Variants in BAZ2B observed in about 807,000 individuals in gnomAD.
BAZ2B encodes bromodomain adjacent to zinc finger domain 2B.
BAZ2B carries 91 observed loss-of-function variants against 246.0 expected under a neutral mutation model. The ratio of observed to expected loss-of-function variants is 0.37; its 90% CI spans 0.31 to 0.44. The LOEUF is 0.44. BAZ2B is among the 20% of genes least tolerant of loss of function. The pLI is 1.00. For missense variants in BAZ2B, 2,332 were observed against 2,533.7 expected, an observed-to-expected ratio of 0.92 and a Z score of 1.71; for synonymous variants, 855 against 860.0, an observed-to-expected ratio of 0.99 and a Z score of 0.10.
At chr2:159,359,159 A>C (rs1027400988) in intron 27 of BAZ2B, among the ~76,000 whole-genome samples, 1 of 152,200 alleles carries the variant, frequency 6.6e-6, no homozygotes, top group Admixed American at 6.5e-5. Flanking sequence ...AAAATCAATG[A>C]ATCCAGGAGC....
At chr2:159,701,072 G>A in the BAZ2B span, among the ~76,000 whole-genome samples, 3 of 151,950 alleles carry the variant, frequency 2.0e-5, no homozygotes, top group South Asian at 2.1e-4. Context: ...ACAAAACTTC[G>A]TTTTACTATA....
chr2:159,548,710 G>T (rs996837258), intron 2 of BAZ2B, among the ~76,000 whole-genome samples: 1 of 152,146 alleles, frequency 6.6e-6, no homozygotes, highest in Non-Finnish European at 1.5e-5. Flanking sequence ...TAGGTGGAAG[G>T]ATTGCTTGAG....
intron 31 of BAZ2B, among the ~76,000 whole-genome samples, chr2:159,341,994 G>C (rs976310735): frequency 6.6e-6 from 1 of 152,052 alleles, no homozygotes; most frequent in African/African-American, 2.4e-5. Flanking sequence ...CCCCAAATTA[G>C]TAGAAGGAAA....
intron 31 of BAZ2B, among the ~76,000 whole-genome samples, chr2:159,344,027 CAAAAA>C (rs70994297): frequency 1.0e-5 from 1 of 96,910 alleles, no homozygotes; most frequent in Admixed American, 1.2e-4. Context: ...GACTCCATCT[CAAAAA>C]AAAAAAAAAA....
At chr2:159,626,631 C>A in the BAZ2B span, among the ~76,000 whole-genome samples, 1 of 152,124 alleles carries the variant, frequency 6.6e-6, no homozygotes, top group Non-Finnish European at 1.5e-5. Flanking sequence ...AGAACAAAGA[C>A]ACAACGTCCC....
At chr2:159,515,553 A>G (rs751836617) in intron 2 of BAZ2B, among the ~76,000 whole-genome samples, 1 of 152,110 alleles carries the variant, frequency 6.6e-6, no homozygotes, top group Non-Finnish European at 1.5e-5. Flanking sequence ...TCTCCATTTT[A>G]TAAAATACTT....
the BAZ2B span, among the ~76,000 whole-genome samples, chr2:159,663,855 C>CTTTTTTTT: frequency 3.4e-4 from 31 of 92,484 alleles, no homozygotes; most frequent in East Asian, 1.5e-3. Context: ...AAACCATTTT[C>CTTTTTTTT]TTTTTTTTTT....
chr2:159,318,965 G>C (rs2062397651), downstream of BAZ2B: 1 of 152,446 alleles, frequency 6.6e-6, no homozygotes, highest in Admixed American at 6.5e-5. Context: ...GGTACATTAA[G>C]AAAAACTAAA....
At chr2:159,706,939 A>G in the BAZ2B span, among the ~76,000 whole-genome samples, 1 of 152,202 alleles carries the variant, frequency 6.6e-6, no homozygotes, top group Non-Finnish European at 1.5e-5. Flanking sequence ...AGTTTCCTAG[A>G]AAAGAAATTC....
chr2:159,710,610 G>A, the BAZ2B span: 1 of 152,102 alleles, frequency 6.6e-6, no homozygotes, highest in Admixed American at 6.6e-5. Flanking sequence ...GAAACACAAC[G>A]AACCATTCTT....
chr2:159,318,403 C>G (rs548391859), downstream of BAZ2B, among the ~76,000 whole-genome samples: 1 of 152,300 alleles, frequency 6.6e-6, no homozygotes, highest in South Asian at 2.1e-4. Context: ...ACTGAAAATA[C>G]TCTGTGGCTT....
upstream of BAZ2B, among the ~76,000 whole-genome samples, chr2:159,621,185 G>T (rs1192782199): frequency 6.6e-6 from 1 of 152,172 alleles, no homozygotes. Flanking sequence ...TGGCTATGAC[G>T]CTTTATAGGC....
rs769788931 is a variant in BAZ2B at position 159,382,733 on chromosome 2, CTCT to C, written c.3828_3830del (p.Glu1277del). The stretch of plus-strand genomic sequence containing the variant: ...GAGTGGGTGTGCCCAAGGGATGCTG[CTCT>C]TCTCCCAGATCAATGCCACCTGAAG... On this transcript the variant is annotated inframe_deletion, in exon 25 of 37. Coordinates refer to ENST00000392783, the MANE Select transcript of BAZ2B (RefSeq NM_013450.4). 9 of 1,613,764 alleles carry C rather than the reference CTCT, an allele frequency of 5.6e-6. No individual in the cohort carries two copies. In the South Asian group the frequency reaches 9.9e-5, roughly 18 times the overall value.
At chr2:159,390,196 T>C (rs1445718558) in intron 20 of BAZ2B, among the ~76,000 whole-genome samples, 2 of 152,134 alleles carry the variant, frequency 1.3e-5, no homozygotes, top group African/African-American at 4.8e-5. Context: ...GTGCCACACA[T>C]TGCTAATTGG....
At chr2:159,459,131 T>C (rs1016887293) in intron 3 of BAZ2B, 1 of 152,212 alleles carries the variant, frequency 6.6e-6, no homozygotes, top group Non-Finnish European at 1.5e-5. Flanking sequence ...CAGACAGTTA[T>C]ATTTGGGGCC....
At chr2:159,446,339 G>A (rs578165224) in intron 6 of BAZ2B, among the ~76,000 whole-genome samples, 1 of 152,238 alleles carries the variant, frequency 6.6e-6, no homozygotes, top group Non-Finnish European at 1.5e-5. Context: ...CTGAATAATA[G>A]GTACAAATGG....
chr2:159,486,339 C>T (rs929066522), intron 2 of BAZ2B, among the ~76,000 whole-genome samples: 1 of 151,686 alleles, frequency 6.6e-6, no homozygotes, highest in Non-Finnish European at 1.5e-5. Flanking sequence ...CAACTGAAAC[C>T]AATGCATGAG....
intron 25 of BAZ2B, among the ~76,000 whole-genome samples, chr2:159,376,795 T>C (rs2061455710): frequency 6.6e-6 from 1 of 152,078 alleles, no homozygotes; most frequent in Non-Finnish European, 1.5e-5. Context: ...AAATAAAATG[T>C]CTCCTAAAGT....
At chr2:159,367,538 A>G (rs939302090) in intron 27 of BAZ2B, among the ~76,000 whole-genome samples, 3 of 152,186 alleles carry the variant, frequency 2.0e-5, no homozygotes, top group Non-Finnish European at 4.4e-5. Context: ...TTAATGTTAA[A>G]TCTAACCTTT....
Sources: allele counts gnomAD v4.1 joint callset (sites outside exome capture counted in the v4.1 genomes callset), GRCh38; gene constraint gnomAD v4.1.1; transcripts MANE v1.5; gene names NCBI Gene and HGNC (gene_info 2026-07-23, HGNC 2026-07-21).